IFNG-AS1: variants seen among roughly 807,000 people sequenced by gnomAD.
IFNG-AS1 encodes IFNG antisense RNA 1 (non-protein coding).
At chr12:67,991,223 A>G (rs1413911477) in intron 1 of IFNG-AS1, among the ~76,000 whole-genome samples, 1 of 152,218 alleles carries the variant, frequency 6.6e-6, no homozygotes, top group Non-Finnish European at 1.5e-5. Context: ...AACTGCTCCT[A>G]GCTTTAAAGT....
At chr12:67,991,602 T>A (rs1309547278) in intron 1 of IFNG-AS1, among the ~76,000 whole-genome samples, 1 of 152,212 alleles carries the variant, frequency 6.6e-6, no homozygotes, top group Non-Finnish European at 1.5e-5. Flanking sequence ...GCTGATCCAA[T>A]GGGCAAAGCA....
intron 3 of IFNG-AS1, among the ~76,000 whole-genome samples, chr12:68,014,498 G>T (rs142665317): frequency 0.02 from 3,094 of 152,302 alleles, 39 homozygotes; most frequent in Non-Finnish European, 0.031. Flanking sequence ...GCAGGGGTAA[G>T]ATGGTATCAT....
chr12:68,003,922 G>A (rs937991294), intron 2 of IFNG-AS1, among the ~76,000 whole-genome samples: 14 of 80,132 alleles, frequency 1.7e-4, no homozygotes, highest in African/African-American at 4.1e-4. Context: ...AAAAAAAAAA[G>A]AATCCGTATT....
intron 3 of IFNG-AS1, among the ~76,000 whole-genome samples, chr12:68,009,681 T>A (rs1879981572): frequency 6.6e-6 from 1 of 152,160 alleles, no homozygotes; most frequent in East Asian, 1.9e-4. Context: ...ACACCAGAAG[T>A]TGGTTTCTTG....
At chr12:68,019,317 A>G (rs11177006) in intron 3 of IFNG-AS1, among the ~76,000 whole-genome samples, 53,862 of 152,042 alleles carry the variant, frequency 0.35, 9,758 homozygotes, top group Non-Finnish European at 0.38. Context: ...CCTCGCATGT[A>G]TCAACTTATT....
Position 68,002,044 on chromosome 12 carries a change from G to A in IFNG-AS1, n.185-4046G>A, listed in dbSNP as rs11177001. Among the ~76,000 whole-genome samples, 689 of 152,288 alleles carry A rather than the reference G, an allele frequency of 4.5e-3. 1 individual carries two copies. The highest frequency in any genetic ancestry group is 7.9e-3 in the Non-Finnish European group (539 of 68,022). On this transcript the variant is annotated intron_variant and non_coding_transcript_variant, in intron 2 of 5. Transcript: ENST00000536914. ...TTTAGGTTAAACATTGAAATAAGTT[G>A]GCAGTGTTAAATTTGATGTTTCCTC... is the stretch of plus-strand genomic sequence containing the variant.
chr12:67,993,768 A>G (rs1417198343), intron 1 of IFNG-AS1, among the ~76,000 whole-genome samples: 1 of 152,240 alleles, frequency 6.6e-6, no homozygotes, highest in East Asian at 1.9e-4. Flanking sequence ...GGCTTGATAA[A>G]GAAATTTAAT....
chr12:68,003,641 G>A (rs1335103982), intron 2 of IFNG-AS1, among the ~76,000 whole-genome samples: 2 of 152,096 alleles, frequency 1.3e-5, no homozygotes, highest in African/African-American at 2.4e-5. Context: ...TAGGCCGGGC[G>A]TGGTGGCTCA....
intron 1 of IFNG-AS1, chr12:67,989,586 A>G (rs1879455622): frequency 1.3e-5 from 2 of 152,238 alleles, no homozygotes; most frequent in African/African-American, 4.8e-5. Flanking sequence ...GAGGGTGAGA[A>G]CATTTTTCAT....
chr12:68,003,791 T>G (rs574472341), intron 2 of IFNG-AS1, among the ~76,000 whole-genome samples: 1 of 151,650 alleles, frequency 6.6e-6, no homozygotes, highest in African/African-American at 2.4e-5. Flanking sequence ...TCTGTAGTCC[T>G]AGCTACCCGG....
intron 3 of IFNG-AS1, among the ~76,000 whole-genome samples, chr12:68,010,815 C>T (rs181607230): frequency 0.02 from 3,096 of 152,286 alleles, 39 homozygotes; most frequent in Non-Finnish European, 0.031. Context: ...AATCATTTCA[C>T]TTTTTTACCC....
intron 1 of IFNG-AS1, among the ~76,000 whole-genome samples, chr12:67,990,280 T>C (rs949285898): frequency 1.3e-5 from 2 of 152,242 alleles, no homozygotes; most frequent in Non-Finnish European, 2.9e-5. Context: ...TCTTTTTTTC[T>C]GAAATGAAAC....
chr12:68,020,676 A>G (rs1456041964), intron 4 of IFNG-AS1: 1 of 152,184 alleles, frequency 6.6e-6, no homozygotes, highest in African/African-American at 2.4e-5. Flanking sequence ...AGCTTAAGAA[A>G]TTCCTTTGCT....
intron 1 of IFNG-AS1, among the ~76,000 whole-genome samples, chr12:67,992,008 T>G (rs117251365): frequency 0.024 from 3,629 of 152,342 alleles, 41 homozygotes; most frequent in Non-Finnish European, 0.029. Context: ...TAAAGTTGAC[T>G]CTAATTATGT....
chr12:67,997,002 C>T (rs1189166656), intron 2 of IFNG-AS1, among the ~76,000 whole-genome samples: 1 of 151,962 alleles, frequency 6.6e-6, no homozygotes, highest in African/African-American at 2.4e-5. Flanking sequence ...AGGATAAAAA[C>T]ATTACATAGA....
At chr12:68,017,837 A>G (rs1260276718) in intron 3 of IFNG-AS1, among the ~76,000 whole-genome samples, 1 of 152,188 alleles carries the variant, frequency 6.6e-6, no homozygotes, top group Non-Finnish European at 1.5e-5. Flanking sequence ...AACTGGCCAT[A>G]TCACTGGGAA....
At chr12:68,011,207 T>C (rs907529533) in intron 3 of IFNG-AS1, among the ~76,000 whole-genome samples, 4 of 152,254 alleles carry the variant, frequency 2.6e-5, no homozygotes, top group African/African-American at 9.6e-5. Context: ...TCGTGCTCTC[T>C]GTTTAGCAGC....
chr12:68,009,430 C>T (rs1209682021), intron 3 of IFNG-AS1, among the ~76,000 whole-genome samples: 1 of 152,202 alleles, frequency 6.6e-6, no homozygotes, highest in African/African-American at 2.4e-5. Context: ...GCAACTTCTG[C>T]ATCCCAGTTC....
At chr12:68,017,282 C>T (rs180710822) in intron 3 of IFNG-AS1, among the ~76,000 whole-genome samples, 241 of 152,250 alleles carry the variant, frequency 1.6e-3, no homozygotes, top group African/African-American at 5.6e-3. Flanking sequence ...TGCAGAGCCT[C>T]GTAAACCATG....
Sources: allele counts gnomAD v4.1 joint callset (sites outside exome capture counted in the v4.1 genomes callset), GRCh38; gene constraint gnomAD v4.1.1; transcripts MANE v1.5; gene names NCBI Gene and HGNC (gene_info 2026-07-23, HGNC 2026-07-21).